Variants in TMEM132C observed in about 807,000 individuals in gnomAD.
TMEM132C encodes the protein protein phosphatase 1, regulatory subunit 152.
In TMEM132C, 29 loss-of-function variants were observed where a neutral mutation model predicts 61.4. The ratio of observed to expected loss-of-function variants is 0.47; its 90% CI spans 0.35 to 0.64. TMEM132C has a LOEUF of 0.64. Among genes scored for constraint, TMEM132C ranks in the 30% least tolerant of loss-of-function variants. TMEM132C has a pLI of 0.00. For synonymous variants in TMEM132C, 656 were observed against 633.1 expected (o/e 1.04, Z -0.54); for missense variants, 1,408 against 1,476.9 (o/e 0.95, Z 0.76).
intron 1 of TMEM132C, among the ~76,000 whole-genome samples, chr12:128,302,024 T>G (rs1871615795): frequency 6.6e-6 from 1 of 152,182 alleles, no homozygotes; most frequent in South Asian, 2.1e-4. Context: ...TGTGATTCAG[T>G]TATCTCCCAC....
rs1453597078 is a variant in TMEM132C, at chr12:128,616,157, G to A, written c.1127G>A (p.Ser376Asn). 1 of 1,551,306 alleles carries A rather than the reference G, an allele frequency of 6.4e-7. No homozygotes were observed. The highest frequency in any genetic ancestry group is 1.2e-5 in the South Asian group (1 of 84,014). Reference sequence around the variant, plus strand: ...GTTTCTTTTCTCTCTTCCAGGAGCAGCAGTTTATTCAATGAGGTTGTGCAG... The same window carrying A: ...GTTTCTTTTCTCTCTTCCAGGAGCAACAGTTTATTCAATGAGGTTGTGCAG... ...RLGPSPRNRSSSLFNEVVQMN... is the reference protein window; with the variant it reads ...RLGPSPRNRSNSLFNEVVQMN... The change falls in exon 4 of 9, where the codon AGC becomes AAC. Residue 376 changes from serine (S) to asparagine (N), a missense_variant. Physicochemically the swap from Ser to Asn is conservative, Grantham distance 46. Coordinates refer to ENST00000435159, the MANE Select transcript of TMEM132C (RefSeq NM_001136103.3).
At chr12:128,457,415 A>T (rs1349915839) in intron 2 of TMEM132C, among the ~76,000 whole-genome samples, 2 of 151,754 alleles carry the variant, frequency 1.3e-5, no homozygotes, top group Admixed American at 6.6e-5. Context: ...CTACTAAAAA[A>T]AATACAAAAA....
intron 2 of TMEM132C, among the ~76,000 whole-genome samples, chr12:128,469,330 CTTTTT>C (rs11463008): frequency 7.4e-6 from 1 of 135,478 alleles, no homozygotes; most frequent in South Asian, 2.4e-4. Context: ...ATAAAGCATG[CTTTTT>C]TTTTTTTTTT....
At chr12:128,545,801 T>C (rs980342856) in intron 3 of TMEM132C, among the ~76,000 whole-genome samples, 2 of 152,338 alleles carry the variant, frequency 1.3e-5, no homozygotes, top group Non-Finnish European at 1.5e-5. Flanking sequence ...ACCTTCCACA[T>C]AAATCTTTGT....
At chr12:128,382,189 C>T (rs1874422538) in intron 1 of TMEM132C, among the ~76,000 whole-genome samples, 1 of 152,122 alleles carries the variant, frequency 6.6e-6, no homozygotes. Flanking sequence ...GCACGAGCTC[C>T]CGGACCCTTC....
intron 2 of TMEM132C, among the ~76,000 whole-genome samples, chr12:128,524,200 G>A (rs1873008917): frequency 1.3e-5 from 2 of 152,114 alleles, no homozygotes; most frequent in Non-Finnish European, 2.9e-5. Context: ...AGAGTCCAGG[G>A]CAACTGAATC....
intron 1 of TMEM132C, among the ~76,000 whole-genome samples, chr12:128,320,245 T>C (rs927958876): frequency 6.6e-6 from 1 of 152,214 alleles, no homozygotes. Flanking sequence ...AGACTGCCTG[T>C]AAACTTTCTT....
At chr12:128,413,099 C>A (rs184866063) in intron 1 of TMEM132C, among the ~76,000 whole-genome samples, 2 of 151,824 alleles carry the variant, frequency 1.3e-5, no homozygotes, top group Admixed American at 6.6e-5. Context: ...GAGATCTAGA[C>A]CCTCCTGGCT....
Position 128,705,513 on chromosome 12 carries a change from G to A in TMEM132C, c.2545G>A (p.Glu849Lys), listed in dbSNP as rs1227203039. Residue 849 changes from glutamate (E) to lysine (K), a missense_variant, in exon 9 of 9, where the codon GAG becomes AAG. Coordinates refer to ENST00000435159, the MANE Select transcript of TMEM132C (RefSeq NM_001136103.3). The stretch of plus-strand genomic sequence containing the variant: ...CTATGGCAGCTCTCCCGTGGAGCGT[G>A]AGGAAGGGGCTCTCCGAAGAGCCAC... The part of the protein sequence containing the change: ...HLYGSSPVER[E>K]EGALRRATTT... 1.3e-6 allele frequency: 2 copies of A among 1,550,864 alleles called. No homozygotes were observed. The highest frequency in any genetic ancestry group is 1.4e-5 in the African/African-American group (1 of 73,062).
chr12:128,449,268 G>T (rs981988030), intron 2 of TMEM132C, among the ~76,000 whole-genome samples: 7 of 152,016 alleles, frequency 4.6e-5, no homozygotes. Flanking sequence ...GGCTGCTCTG[G>T]GGGGCATGTG....
chr12:128,349,160 C>T (rs537966213), intron 1 of TMEM132C, among the ~76,000 whole-genome samples: 9 of 152,274 alleles, frequency 5.9e-5, no homozygotes, highest in Non-Finnish European at 1.2e-4. Flanking sequence ...TGTGCCGTTG[C>T]ACCCAGCTGA....
intron 1 of TMEM132C, among the ~76,000 whole-genome samples, chr12:128,372,448 T>A (rs1055734549): frequency 6.6e-6 from 1 of 152,146 alleles, no homozygotes; most frequent in Non-Finnish European, 1.5e-5. Context: ...AAGCACAAGA[T>A]GAAATAAACG....
intron 4 of TMEM132C, among the ~76,000 whole-genome samples, chr12:128,647,149 T>C (rs566815058): frequency 5.6e-4 from 85 of 151,142 alleles, no homozygotes; most frequent in African/African-American, 1.9e-3. Flanking sequence ...GTGAGTGTGT[T>C]TACTGGAGTC....
intron 3 of TMEM132C, among the ~76,000 whole-genome samples, chr12:128,584,159 T>C (rs1363924110): frequency 6.6e-6 from 1 of 152,236 alleles, no homozygotes; most frequent in Non-Finnish European, 1.5e-5. Context: ...CACATGGTTT[T>C]AGTTCTCAGT....
At chr12:128,435,222 T>A (rs781729790) in intron 2 of TMEM132C, among the ~76,000 whole-genome samples, 2 of 152,198 alleles carry the variant, frequency 1.3e-5, no homozygotes, top group Non-Finnish European at 2.9e-5. Context: ...ATGTCCATTG[T>A]TTAAACCACC....
intron 4 of TMEM132C, among the ~76,000 whole-genome samples, chr12:128,664,045 C>T (rs1370555652): frequency 8.9e-6 from 1 of 112,236 alleles, no homozygotes; most frequent in African/African-American, 3.1e-5. Flanking sequence ...CACACGCACG[C>T]ACGCGGGCAC....
At chr12:128,316,216 G>A (rs1265921307) in intron 1 of TMEM132C, among the ~76,000 whole-genome samples, 1 of 152,156 alleles carries the variant, frequency 6.6e-6, no homozygotes, top group Non-Finnish European at 1.5e-5. Flanking sequence ...TAGACTCTCT[G>A]TTCTAACAGG....
chr12:128,303,154 C>T (rs1871650805), intron 1 of TMEM132C, among the ~76,000 whole-genome samples: 1 of 152,178 alleles, frequency 6.6e-6, no homozygotes, highest in South Asian at 2.1e-4. Flanking sequence ...CAGGTTTCTC[C>T]TTATGGGTGT....
At chr12:128,405,724 G>A (rs1683719) in intron 1 of TMEM132C, among the ~76,000 whole-genome samples, 128,363 of 152,208 alleles carry the variant, frequency 0.84, 55,763 homozygotes, top group East Asian at 1. Flanking sequence ...TTTAATTTAT[G>A]AAGTTATCAA....
Sources: gnomAD v4.1 joint callset for allele counts (sites outside exome capture counted in the v4.1 genomes callset) on GRCh38, gnomAD v4.1.1 for gene constraint, MANE v1.5 for transcripts, NCBI Gene and HGNC (gene_info 2026-07-23, HGNC 2026-07-21) for gene names.